SNAP47: variants seen among roughly 807,000 people sequenced by gnomAD.
SNAP47 encodes synaptosome associated protein 47, also known as synaptosomal-associated protein 47.
A neutral mutation model predicts 31.4 loss-of-function variants in SNAP47; 20 were observed. The ratio of observed to expected loss-of-function variants is 0.64; its 90% CI spans 0.45 to 0.93. The LOEUF is 0.93. SNAP47 is among the 40% of genes least tolerant of loss of function. The pLI, the probability that SNAP47 is intolerant of heterozygous loss-of-function variation, is 0.00. For synonymous variants in SNAP47, 194 were observed against 213.4 expected (o/e 0.91, Z 0.79); for missense variants, 492 against 528.5 (o/e 0.93, Z 0.68).
At chr1:227,749,988 G>A (rs1662243616) in intron 2 of SNAP47, among the ~76,000 whole-genome samples, 1 of 152,250 alleles carries the variant, frequency 6.6e-6, no homozygotes, top group Non-Finnish European at 1.5e-5. Context: ...CAGCTGCAGT[G>A]GGCAGAACCT....
upstream of SNAP47, chr1:227,732,160 AG>A (rs1297571895): frequency 1.6e-4 from 95 of 591,272 alleles, no homozygotes; most frequent in East Asian, 2.7e-3. Flanking sequence ...ACCATCTCCG[AG>A]CTCCCAGCAG....
At chr1:227,734,518 T>G, upstream of SNAP47, 1 of 777,858 alleles carries the variant, frequency 1.3e-6, no homozygotes. Flanking sequence ...CCAGTTTCTT[T>G]TAAACTGATT....
intron 3 of SNAP47, 129 bp downstream of exon 3, chr1:227,759,614 A>T (rs909580490): frequency 1.6e-6 from 2 of 1,270,388 alleles, no homozygotes; most frequent in African/African-American, 3.0e-5. Context: ...CTTGCTAGAG[A>T]CAGCTCGTTT....
rs1663141255 is a variant in SNAP47, at chr1:227,762,684, G to T, written c.988+3199G>T. Among the ~76,000 whole-genome samples, 1 of 152,196 alleles carries T rather than the reference G, an allele frequency of 6.6e-6. No homozygotes were observed. Among genetic ancestry groups the T allele is most frequent in the Admixed American group, 6.5e-5 (1 of 15,286 alleles). On this transcript the variant is annotated intron_variant, in intron 3 of 4. Coordinates refer to ENST00000617596, the MANE Select transcript of SNAP47 (RefSeq NM_053052.4). This position sits in a 1 kb window ranked among gnomAD's most constrained non-coding sequence, Gnocchi z 4.2. ...GGAGCCTTTCCAGAGACCTCTGCAG[G>T]GCTGCGTGCCAAGTGCACGTTTTAT...
At chr1:227,760,469 A>C in intron 3 of SNAP47, among the ~76,000 whole-genome samples, 1 of 151,918 alleles carries the variant, frequency 6.6e-6, no homozygotes, top group East Asian at 1.9e-4. Flanking sequence ...CTTCCCGCAG[A>C]CTCCATTGTA....
chr1:227,746,164 G>A (rs1661950584), intron 1 of SNAP47: 1 of 152,178 alleles, frequency 6.6e-6, no homozygotes, highest in Non-Finnish European at 1.5e-5. Context: ...AATGAAATGG[G>A]GCCCTTCCCC....
Position 227,747,754 on chromosome 1 carries a change from C to T in SNAP47, c.18C>T (p.Cys6=). 1 of 1,613,954 alleles carries T rather than the reference C, an allele frequency of 6.2e-7. No homozygotes were observed. The highest frequency in any genetic ancestry group is 8.5e-7 in the Non-Finnish European group (1 of 1,179,880). The part of the protein sequence containing the change: MSRDV[C]IHTWPCTYYL... ...AGGAACAGATGAGCAGGGATGTCTG[C>T]ATCCACACCTGGCCGTGCACCTACT... The change falls in exon 2 of 5, where the codon TGC becomes TGT. Residue 6 remains cysteine, a synonymous_variant. Transcript: ENST00000617596.
At chr1:227,729,447 A>C (rs1348055366) in intron 1 of SNAP47, among the ~76,000 whole-genome samples, 1 of 152,146 alleles carries the variant, frequency 6.6e-6, no homozygotes, top group Non-Finnish European at 1.5e-5. Flanking sequence ...ACGCTGGCAC[A>C]ATCACCTGCC....
At chr1:227,742,672 G>A (rs1195994818) in intron 1 of SNAP47, among the ~76,000 whole-genome samples, 2 of 152,170 alleles carry the variant, frequency 1.3e-5, no homozygotes, top group Admixed American at 6.5e-5. Context: ...GTGGTGAGGC[G>A]TGGTCCCTCC....
intron 1 of SNAP47, chr1:227,746,755 G>A (rs1247042282): frequency 2.0e-5 from 3 of 152,242 alleles, no homozygotes; most frequent in African/African-American, 7.2e-5. Flanking sequence ...GTAAAGTCAC[G>A]TTACAGTGAA....
chr1:227,730,146 C>T (rs886953492), upstream of SNAP47, among the ~76,000 whole-genome samples: 10 of 152,292 alleles, frequency 6.6e-5, no homozygotes, highest in East Asian at 3.9e-4. Flanking sequence ...AGGGATGACA[C>T]GCAAAGGGCA....
At chr1:227,760,475 T>C (rs562822983) in intron 3 of SNAP47, among the ~76,000 whole-genome samples, 4 of 152,232 alleles carry the variant, frequency 2.6e-5, no homozygotes, top group Admixed American at 2.0e-4. Context: ...GCAGACTCCA[T>C]TGTAGATTGT....
chr1:227,734,830 C>A, upstream of SNAP47: 1 of 1,613,256 alleles, frequency 6.2e-7, no homozygotes, highest in Non-Finnish European at 8.5e-7. Context: ...AAATGAAAGG[C>A]ACGGTCCATG....
rs1440260774 is a variant in SNAP47, at chr1:227,741,983, A to G, written c.-45-5709A>G. Among the ~76,000 whole-genome samples the G allele has an allele frequency of 6.6e-6, 1 of 151,236 alleles. No individual in the cohort carries two copies. Among genetic ancestry groups the G allele is most frequent in the Admixed American group, 6.6e-5 (1 of 15,204 alleles). On this transcript the variant is annotated intron_variant, in intron 1 of 4. Transcript: ENST00000617596. This position sits in a 1 kb window ranked among gnomAD's most constrained non-coding sequence, Gnocchi z 4.2. ...ATAATGAGAAGAGCCTTGGTTATTC[A>G]TGTCCTAATTTTTTGGTCTTTTTTT...
Position 227,735,441 on chromosome 1 carries a change from C to A in SNAP47, c.-104C>A. 6.8e-7 allele frequency: 1 copy of A among 1,468,850 alleles called. No homozygotes were observed. 91.0% of individuals were successfully genotyped at this position (1,468,850 alleles called of 1,614,324 possible). A position where few individuals can be genotyped will look rare whatever the true frequency, so the allele number is the denominator to read the frequency against. ...GCGGCTCGCCGCGGTCTTCACTGCG[C>A]AGGCGCCGAGCGGCCGAGGCGCCGC... On this transcript the variant is annotated 5_prime_UTR_variant, in exon 1 of 5. Transcript: ENST00000617596.
At position 227,762,657 on chromosome 1, in the gene SNAP47, G is replaced by A. The variant is rs756980366; in HGVS notation, c.988+3172G>A. 1.3e-5 allele frequency among the ~76,000 whole-genome samples: 2 copies of A among 152,208 alleles called. No individual in the cohort carries two copies. The highest frequency in any genetic ancestry group is 2.4e-5 in the African/African-American group (1 of 41,456). On this transcript the variant is annotated intron_variant, in intron 3 of 4. Transcript: ENST00000617596. The surrounding 1 kb of genome is among the most constrained non-coding windows in gnomAD (Gnocchi z 4.2). ...CTTGTCAGGGAGGGACACCCGGGGC[G>A]GGGAGCCTTTCCAGAGACCTCTGCA...
chr1:227,732,399 G>A (rs1187520080), upstream of SNAP47: 2 of 1,612,364 alleles, frequency 1.2e-6, no homozygotes, highest in East Asian at 2.2e-5. Flanking sequence ...GTGCTATGGG[G>A]CCGCAGCAGC....
At chr1:227,729,228 G>C (rs140917921) in intron 1 of SNAP47, among the ~76,000 whole-genome samples, 2 of 152,288 alleles carry the variant, frequency 1.3e-5, no homozygotes, top group East Asian at 3.9e-4. Context: ...TCTGGGGTCA[G>C]ACCCCAGGCA....
chr1:227,754,036 G>A (rs1003201725), intron 2 of SNAP47, among the ~76,000 whole-genome samples: 7 of 152,222 alleles, frequency 4.6e-5, no homozygotes, highest in Non-Finnish European at 7.3e-5. Context: ...TTGCCTTGGT[G>A]TACCAGAAGA....
Sources: allele counts gnomAD v4.1 joint callset (sites outside exome capture counted in the v4.1 genomes callset), GRCh38; gene constraint gnomAD v4.1.1; non-coding constraint Gnocchi (gnomAD v3.1); transcripts MANE v1.5; gene names NCBI Gene and HGNC (gene_info 2026-07-23, HGNC 2026-07-21).